The following SERPINB7 variants were observed in gnomAD, a reference collection of about 807,000 sequenced individuals.
The protein encoded by SERPINB7 is serpin family B member 7, also known as serpin B7.
A neutral mutation model predicts 37.4 loss-of-function variants in SERPINB7; 31 were observed. That is an observed-to-expected ratio of 0.83 (90% CI 0.62 to 1.12). The LOEUF (loss-of-function observed/expected upper bound fraction) is 1.12. Ranked by LOEUF, SERPINB7 falls within the 50% of genes most tolerant of loss-of-function variation. The pLI, the probability that SERPINB7 is intolerant of heterozygous loss-of-function variation, is 0.00. For missense variants in SERPINB7, 521 were observed against 455.3 expected, an observed-to-expected ratio of 1.14 and a Z score of -1.31; for synonymous variants, 163 against 166.1, an observed-to-expected ratio of 0.98 and a Z score of 0.14.
chr18:63,790,647 T>A (rs948589357), intron 2 of SERPINB7, among the ~76,000 whole-genome samples: 1 of 152,192 alleles, frequency 6.6e-6, no homozygotes, highest in Non-Finnish European at 1.5e-5. Context: ...ATTCTAATTA[T>A]GAGTTTGTAT....
rs141990670 is a variant in SERPINB7, at chr18:63,795,975, A to T, written c.337-291A>T. Among the ~76,000 whole-genome samples, 350 of 152,326 alleles carry T rather than the reference A, an allele frequency of 2.3e-3. 1 individual carries two copies. The highest frequency in any genetic ancestry group is 8.1e-3 in the African/African-American group (338 of 41,554). ...TTAGGAGGCTATTGAGTTATTTAAT[A>T]TGAGAACGCAGTGGTAAAAGGGTGG... On this transcript the variant is annotated intron_variant, in intron 4 of 7. Coordinates refer to ENST00000398019, the MANE Select transcript of SERPINB7 (RefSeq NM_003784.4).
Position 63,804,696 on chromosome 18 carries a change from T to C in SERPINB7, c.*61T>C. The C allele has an allele frequency of 6.8e-7, 1 of 1,462,980 alleles. No individual in the cohort carries two copies. Among genetic ancestry groups the C allele is most frequent in the South Asian group, 1.3e-5 (1 of 74,178 alleles). 90.6% of individuals were successfully genotyped at this position (1,462,980 alleles called of 1,614,324 possible). On this transcript the variant is annotated 3_prime_UTR_variant, in exon 8 of 8. Transcript: ENST00000398019. ...ACATCAAAGAACCACCACAAGTCAATAGATTTGAGTTTAATTGGAAAAATG... is the reference window on the plus strand; with the variant it reads ...ACATCAAAGAACCACCACAAGTCAACAGATTTGAGTTTAATTGGAAAAATG...
At chr18:63,778,788 C>G (rs781779505) in intron 1 of SERPINB7, among the ~76,000 whole-genome samples, 2 of 151,822 alleles carry the variant, frequency 1.3e-5, no homozygotes, top group Non-Finnish European at 2.9e-5. Context: ...TGAAATAGAC[C>G]ATAAGGAATC....
intron 1 of SERPINB7, among the ~76,000 whole-genome samples, chr18:63,755,857 G>C (rs2049118963): frequency 6.6e-6 from 1 of 152,146 alleles, no homozygotes; most frequent in African/African-American, 2.4e-5. Context: ...TGATGCCACT[G>C]TGCCCCAGCC....
intron 1 of SERPINB7, chr18:63,777,925 C>CAG (rs1555693619): frequency 1.6e-5 from 2 of 126,266 alleles, no homozygotes; most frequent in South Asian, 2.6e-4. Flanking sequence ...CACACACACA[C>CAG]AGACACAGAG....
At chr18:63,786,363 A>T (rs1374011302) in intron 2 of SERPINB7, among the ~76,000 whole-genome samples, 1 of 151,004 alleles carries the variant, frequency 6.6e-6, no homozygotes, top group Non-Finnish European at 1.5e-5. Flanking sequence ...CAACGTTTCC[A>T]TTGAAATACA....
chr18:63,795,136 G>A (rs2049473310), intron 4 of SERPINB7, among the ~76,000 whole-genome samples: 1 of 152,208 alleles, frequency 6.6e-6, no homozygotes. Context: ...AAAATAATAA[G>A]CAAGGCATAT....
intron 7 of SERPINB7, among the ~76,000 whole-genome samples, chr18:63,802,974 G>A (rs1454151842): frequency 2.6e-5 from 4 of 152,040 alleles, no homozygotes; most frequent in Non-Finnish European, 5.9e-5. Context: ...TATAATTCAC[G>A]TGATAATCTT....
intron 1 of SERPINB7, among the ~76,000 whole-genome samples, chr18:63,755,760 G>C (rs1320066961): frequency 6.6e-6 from 1 of 151,968 alleles, no homozygotes; most frequent in African/African-American, 2.4e-5. Context: ...TAGATATGGT[G>C]GTGTATACTT....
At position 63,794,647 on chromosome 18, in the gene SERPINB7, G is replaced by A. The variant is rs900994295; in HGVS notation, c.336+1370G>A. On this transcript the variant is annotated intron_variant, in intron 4 of 7. Coordinates refer to ENST00000398019, the MANE Select transcript of SERPINB7 (RefSeq NM_003784.4). ...GGAGCTTGCAGTGAGCCAAGATAGC[G>A]CCACTGCACTCCGGCCTGGGCGAAA... Among the ~76,000 whole-genome samples, 6 of 152,018 alleles carry A rather than the reference G, an allele frequency of 3.9e-5. No individual in the cohort carries two copies. In the East Asian group the frequency reaches 7.7e-4, roughly 20 times the overall value.
chr18:63,755,829 G>A (rs1431214898), intron 1 of SERPINB7, among the ~76,000 whole-genome samples: 2 of 152,172 alleles, frequency 1.3e-5, no homozygotes, highest in Non-Finnish European at 2.9e-5. Context: ...AGAAGTTTGA[G>A]GCAGCAATGA....
In SERPINB7 at chr18:63,798,660, C is replaced by G; in HGVS notation, c.511C>G (p.Leu171Val). The G allele has an allele frequency of 6.2e-7, 1 of 1,610,930 alleles. No individual in the cohort carries two copies. The highest frequency in any genetic ancestry group is 8.5e-7 in the Non-Finnish European group (1 of 1,178,628). ...CATAAGCTCATCTGCTGTAATGGTG[C>G]TGGTGAATGCTGTGTACTTCAAAGG... ...GGISSSAVMVLVNAVYFKGKW... is the reference protein window; with the variant it reads ...GGISSSAVMVVVNAVYFKGKW... Residue 171 changes from leucine to valine, a missense_variant, in exon 6 of 8, where the codon CTG (leucine) becomes GTG (valine). Physicochemically the swap from Leu to Val is conservative, Grantham distance 32 (BLOSUM62 1). Coordinates refer to ENST00000398019, the MANE Select transcript of SERPINB7 (RefSeq NM_003784.4).
chr18:63,755,014 C>A (rs551596063), intron 1 of SERPINB7, among the ~76,000 whole-genome samples: 1 of 151,608 alleles, frequency 6.6e-6, no homozygotes, highest in Non-Finnish European at 1.5e-5. Flanking sequence ...ATTCTCCTGC[C>A]TCAGCCTCCC....
intron 1 of SERPINB7, among the ~76,000 whole-genome samples, chr18:63,754,714 A>T (rs1555691530): frequency 6.6e-6 from 1 of 152,048 alleles, no homozygotes; most frequent in Non-Finnish European, 1.5e-5. Context: ...TCCACTCCGA[A>T]GCTTTCTCAA....
intron 2 of SERPINB7, 26 bp from the exon 3 acceptor site, chr18:63,792,367 T>C (rs1473911581): frequency 1.3e-6 from 2 of 1,553,388 alleles, no homozygotes; most frequent in Admixed American, 1.7e-5. Context: ...ATTCTAATGA[T>C]TGCTTTCCTT....
In SERPINB7 at chr18:63,770,310, A is replaced by G. The variant is rs995747153; in HGVS notation, c.-18-12045A>G. Among the ~76,000 whole-genome samples, 3 of 151,836 alleles carry G rather than the reference A, an allele frequency of 2.0e-5. No individual in the cohort carries two copies. The East Asian group carries it at 5.8e-4, about 30-fold the overall frequency. ...GGCTGGAATGTAAAGGAAAACAACA[A>G]CAACAACAACAAATGTAATACTAAG... is the stretch of plus-strand genomic sequence containing the variant. On this transcript the variant is annotated intron_variant, in intron 1 of 7. Transcript: ENST00000336429.
At chr18:63,759,749 T>C (rs1162338350) in intron 1 of SERPINB7, among the ~76,000 whole-genome samples, 2 of 152,198 alleles carry the variant, frequency 1.3e-5, no homozygotes, top group African/African-American at 4.8e-5. Context: ...ATTCTTGTCA[T>C]AGTGAGTAAG....
chr18:63,800,722 C>G, intron 6 of SERPINB7, 144 bp from the exon 7 acceptor site: 1 of 750,740 alleles, frequency 1.3e-6, no homozygotes, highest in East Asian at 2.8e-5. Context: ...CCAATGCAAC[C>G]ACTATTGGTA....
intron 1 of SERPINB7, among the ~76,000 whole-genome samples, chr18:63,770,407 T>C (rs1469397290): frequency 6.6e-6 from 1 of 151,974 alleles, no homozygotes; most frequent in African/African-American, 2.4e-5. Flanking sequence ...TTCTCATAGT[T>C]ACTCTATGGC....
Sources: gnomAD v4.1 joint callset for allele counts (sites outside exome capture counted in the v4.1 genomes callset) on GRCh38, gnomAD v4.1.1 for gene constraint, MANE v1.5 for transcripts, NCBI Gene and HGNC (gene_info 2026-07-23, HGNC 2026-07-21) for gene names.